CNTLN: variants seen among roughly 807,000 people sequenced by gnomAD.
CNTLN encodes the protein centlein, centrosomal protein.
In CNTLN, 212 loss-of-function variants were observed where a neutral mutation model predicts 180.0. The observed-to-expected ratio is 1.18, with a 90% CI of 1.05 to 1.32. The LOEUF (loss-of-function observed/expected upper bound fraction) is 1.32, where lower values mean the gene tolerates loss of function less well. Among genes scored for constraint, CNTLN ranks in the 40% most tolerant of loss-of-function variants. CNTLN has a pLI of 0.00. For synonymous variants in CNTLN, 722 were observed against 563.1 expected (o/e 1.28, Z -3.99); for missense variants, 2,095 against 1,610.9 (o/e 1.30, Z -5.14).
At chr9:17,455,232 C>T (rs981646740) in intron 18 of CNTLN, among the ~76,000 whole-genome samples, 3 of 152,134 alleles carry the variant, frequency 2.0e-5, no homozygotes, top group African/African-American at 7.2e-5. Flanking sequence ...CATATTTCCT[C>T]TATTTCAACA....
chr9:17,273,926 T>C (rs1464822064), intron 6 of CNTLN, 60 bp downstream of exon 6: 1 of 1,240,790 alleles, frequency 8.1e-7, no homozygotes, highest in Admixed American at 2.7e-5. Context: ...TTCAGAATGA[T>C]ACCATTTATA....
chr9:17,348,893 T>G (rs1028271926), intron 12 of CNTLN, among the ~76,000 whole-genome samples: 13 of 152,112 alleles, frequency 8.5e-5, no homozygotes, highest in Non-Finnish European at 1.5e-4. Context: ...CCTAGTTGAT[T>G]ATGGCTGGAG....
chr9:17,196,597 A>C (rs1004823069), intron 2 of CNTLN, among the ~76,000 whole-genome samples: 1 of 151,846 alleles, frequency 6.6e-6, no homozygotes, highest in Non-Finnish European at 1.5e-5. Context: ...ACTTATATGA[A>C]TATTTCCTTC....
chr9:17,488,074 A>C (rs1832978800), intron 25 of CNTLN, among the ~76,000 whole-genome samples: 1 of 152,188 alleles, frequency 6.6e-6, no homozygotes, highest in Non-Finnish European at 1.5e-5. Context: ...GTAAAGATTA[A>C]AAATAGAAAC....
chr9:17,267,308 G>A (rs1827545587), intron 5 of CNTLN, among the ~76,000 whole-genome samples: 2 of 152,094 alleles, frequency 1.3e-5, no homozygotes, highest in African/African-American at 4.8e-5. Context: ...AGGTTAGGTT[G>A]GCTGGATATG....
chr9:17,342,325 G>C lies in CNTLN; in HGVS notation c.1767G>C (p.Met589Ile), dbSNP rs1821544788. 6.2e-7 allele frequency: 1 copy of C among 1,611,252 alleles called. No individual in the cohort carries two copies. Among genetic ancestry groups the C allele is most frequent in the East Asian group, 2.2e-5 (1 of 44,694 alleles). Reference sequence around the variant, plus strand: ...AAAAGCAACTTTGTTTTAAAAATAGGACTGAAATCAGGAAAATAAAGAGAG... The same window carrying C: ...AAAAGCAACTTTGTTTTAAAAATAGCACTGAAATCAGGAAAATAAAGAGAG... Reference protein sequence around the residue: ...QLKQWEEGSGMTEIRKIKRAD... With the variant: ...QLKQWEEGSGITEIRKIKRAD... The change falls in exon 12 of 26, where the codon ATG becomes ATC. Residue 589 changes from methionine to isoleucine, a missense_variant and splice_region_variant. Coordinates refer to ENST00000380647, the MANE Select transcript of CNTLN (RefSeq NM_017738.4).
At chr9:17,174,904 A>T (rs1457716976) in intron 2 of CNTLN, among the ~76,000 whole-genome samples, 1 of 152,174 alleles carries the variant, frequency 6.6e-6, no homozygotes, top group Non-Finnish European at 1.5e-5. Context: ...ATGGTTAATG[A>T]TGTTGAACAT....
At chr9:17,266,475 G>T (rs1344114423) in intron 5 of CNTLN, among the ~76,000 whole-genome samples, 1 of 152,082 alleles carries the variant, frequency 6.6e-6, no homozygotes, top group African/African-American at 2.4e-5. Flanking sequence ...GTCAATTTTG[G>T]AATAGGTGTG....
At chr9:17,219,082 G>T (rs1044431282) in intron 2 of CNTLN, among the ~76,000 whole-genome samples, 1 of 152,118 alleles carries the variant, frequency 6.6e-6, no homozygotes, top group African/African-American at 2.4e-5. Context: ...CTTAAAAGTT[G>T]TACAGATTTG....
intron 16 of CNTLN, 67 bp downstream of exon 16, chr9:17,409,540 A>G: frequency 1.7e-6 from 2 of 1,174,546 alleles, no homozygotes; most frequent in East Asian, 2.5e-5. Context: ...TTATAACTTA[A>G]GTAAATAAAT....
chr9:17,383,609 A>G (rs1258145569), intron 13 of CNTLN, among the ~76,000 whole-genome samples: 14 of 152,158 alleles, frequency 9.2e-5, no homozygotes, highest in Admixed American at 9.2e-4. Flanking sequence ...AAATTGAAAC[A>G]AAAGTTAATT....
chr9:17,332,874 GTTA>G, intron 10 of CNTLN, 144 bp downstream of exon 10: 1 of 422,170 alleles, frequency 2.4e-6, no homozygotes, highest in Non-Finnish European at 3.8e-6. Context: ...AGTTCATCTT[GTTA>G]TTAAGATTTC....
At position 17,457,544 on chromosome 9, in the gene CNTLN, TG is replaced by T; in HGVS notation, c.3138del (p.Leu1047PhefsTer9). 1 of 1,499,266 alleles carries T rather than the reference TG, an allele frequency of 6.7e-7. No homozygotes were observed. The highest frequency in any genetic ancestry group is 1.9e-5 in the Admixed American group (1 of 51,704). The allele number at this position is 1,499,266 out of a possible 1,614,324, so 92.9% of individuals were successfully genotyped here. On this transcript the variant is annotated frameshift_variant, in exon 19 of 26. Coordinates refer to ENST00000380647, the MANE Select transcript of CNTLN (RefSeq NM_017738.4). LOFTEE classifies it high-confidence loss of function. ...AAAAGAAGCTAAATTTGGATTTGGCTGGGCTTCGGAAAGAAAAAGAAGATTT... is the reference window on the plus strand; with the variant it reads ...AAAAGAAGCTAAATTTGGATTTGGCTGGCTTCGGAAAGAAAAAGAAGATTT... ...TIKKLNLDLA[G>X]LRKEKEDLLK... is the part of the protein sequence containing the mutation.
chr9:17,380,535 TACA>T (rs1023014287), intron 13 of CNTLN, among the ~76,000 whole-genome samples: 3 of 152,152 alleles, frequency 2.0e-5, no homozygotes, highest in Non-Finnish European at 4.4e-5. Context: ...TCCATTGACG[TACA>T]ACAAGTCTGG....
chr9:17,439,670 A>G (rs1325445413), intron 18 of CNTLN, among the ~76,000 whole-genome samples: 2 of 152,336 alleles, frequency 1.3e-5, no homozygotes, highest in East Asian at 3.9e-4. Flanking sequence ...AGTGTTGTAG[A>G]CTAAATATAT....
chr9:17,201,909 T>C (rs1563875290), intron 2 of CNTLN, among the ~76,000 whole-genome samples: 1 of 152,208 alleles, frequency 6.6e-6, no homozygotes. Context: ...ATTCTGTAGT[T>C]CTTTTAATTG....
chr9:17,159,137 A>G (rs1164606267), intron 2 of CNTLN, among the ~76,000 whole-genome samples: 1 of 152,008 alleles, frequency 6.6e-6, no homozygotes, highest in African/African-American at 2.4e-5. Context: ...TCAGTTTTCC[A>G]ATTTTGATTC....
chr9:17,238,497 G>A (rs1320575872), intron 5 of CNTLN, among the ~76,000 whole-genome samples: 1 of 152,110 alleles, frequency 6.6e-6, no homozygotes, highest in East Asian at 1.9e-4. Flanking sequence ...CTCATTCAGA[G>A]AGGTTCTGTC....
At chr9:17,519,436 T>G in the CNTLN span, among the ~76,000 whole-genome samples, 1 of 152,196 alleles carries the variant, frequency 6.6e-6, no homozygotes, top group Non-Finnish European at 1.5e-5. Context: ...TTTCTGAGCT[T>G]CTTGTTTAAA....
Sources: allele counts gnomAD v4.1 joint callset (sites outside exome capture counted in the v4.1 genomes callset), GRCh38; gene constraint gnomAD v4.1.1; transcripts MANE v1.5; gene names NCBI Gene and HGNC (gene_info 2026-07-23, HGNC 2026-07-21).